Variants in WAC observed in about 807,000 individuals in gnomAD.
The protein encoded by WAC is WW domain-containing adapter protein with coiled-coil.
Under a neutral mutation model 79.6 loss-of-function variants are expected in WAC, and 11 were observed. The ratio of observed to expected loss-of-function variants is 0.14; its 90% CI spans 0.09 to 0.23. WAC has a LOEUF of 0.23. WAC is among the 10% of genes least tolerant of loss of function. WAC has a pLI of 1.00. For synonymous variants in WAC, 304 were observed against 276.9 expected, an observed-to-expected ratio of 1.10 and a Z score of -0.97; for missense variants, 728 against 773.5, an observed-to-expected ratio of 0.94 and a Z score of 0.70.
chr10:28,579,623 T>C (rs1300867358), intron 3 of WAC, among the ~76,000 whole-genome samples: 1 of 152,214 alleles, frequency 6.6e-6, no homozygotes, highest in African/African-American at 2.4e-5. Context: ...TTGTAGCACT[T>C]CTTTTCGGTA....
At chr10:28,592,817 A>G (rs1840165555) in intron 6 of WAC, among the ~76,000 whole-genome samples, 1 of 152,178 alleles carries the variant, frequency 6.6e-6, no homozygotes, top group Admixed American at 6.5e-5. Context: ...CAAATTACAT[A>G]TGTATGTATT....
chr10:28,608,542 T>G (rs767194812), intron 8 of WAC, 111 bp downstream of exon 8: 14 of 1,198,568 alleles, frequency 1.2e-5, no homozygotes, highest in Non-Finnish European at 1.6e-5. Context: ...AATTTATAGT[T>G]GAACACTTTT....
At chr10:28,608,543 GAACAC>G (rs1841071240) in intron 8 of WAC, 112 bp downstream of exon 8, 1 of 1,195,222 alleles carries the variant, frequency 8.4e-7, no homozygotes, top group African/African-American at 1.6e-5. Context: ...ATTTATAGTT[GAACAC>G]TTTTTTTTGT....
intron 7 of WAC, among the ~76,000 whole-genome samples, chr10:28,603,293 A>G (rs1052203869): frequency 4.6e-5 from 7 of 152,210 alleles, no homozygotes; most frequent in Non-Finnish European, 7.4e-5. Context: ...GCCACATTCA[A>G]AGCTGTCCTA....
At chr10:28,561,755 G>T (rs1406941277) in intron 3 of WAC, among the ~76,000 whole-genome samples, 1 of 152,178 alleles carries the variant, frequency 6.6e-6, no homozygotes, top group African/African-American at 2.4e-5. Context: ...TGGAGCCGGA[G>T]TTCCGCCTCC....
intron 10 of WAC, among the ~76,000 whole-genome samples, chr10:28,612,528 A>C (rs2132838857): frequency 6.6e-6 from 1 of 152,270 alleles, no homozygotes; most frequent in East Asian, 1.9e-4. Flanking sequence ...TGCTGGTCTA[A>C]ATGGTAAATG....
chr10:28,611,917 C>A lies in WAC; in HGVS notation c.1432C>A (p.Pro478Thr), dbSNP rs2232793. 1.8e-4 allele frequency: 294 copies of A among 1,612,240 alleles called. 1 individual carries two copies. In the East Asian group the frequency reaches 5.6e-3, roughly 31 times the overall value. ...CAGTACTCCTCCTGTTTCATCACAG[C>A]CAAAGGTATGTCACCTTTGAGGGAC... ...LISTPPVSSQ[P>T]KVSTPVVKQG... Residue 478 changes from proline to threonine, a missense_variant, in exon 10 of 14, where the codon CCA (proline) becomes ACA (threonine). By Grantham distance (38) the Pro-to-Thr change is conservative. Coordinates refer to ENST00000354911, the MANE Select transcript of WAC (RefSeq NM_016628.5).
Position 28,610,651 on chromosome 10 carries a change from C to A in WAC, c.1166-48C>A, listed in dbSNP as rs377522397. ...CCTTGTCAGGTTGTTACTAATGCCA[C>A]ATAAGCCTCTTGTTTTTATATGAAT... On this transcript the variant is annotated intron_variant, in intron 8 of 13. Coordinates refer to ENST00000354911, the MANE Select transcript of WAC (RefSeq NM_016628.5). 44 of 1,553,624 alleles carry A rather than the reference C, an allele frequency of 2.8e-5. No individual in the cohort carries two copies. The African/African-American group carries it at 6.0e-4, about 21-fold the overall frequency.
chr10:28,563,303 C>T (rs1301695278), intron 3 of WAC, among the ~76,000 whole-genome samples: 2 of 152,114 alleles, frequency 1.3e-5, no homozygotes, highest in African/African-American at 2.4e-5. Context: ...TTAATTTTCA[C>T]TTAATGGCCA....
At chr10:28,606,682 TAAAG>T (rs527629575) in intron 7 of WAC, among the ~76,000 whole-genome samples, 72 of 152,332 alleles carry the variant, frequency 4.7e-4, no homozygotes, top group Middle Eastern at 3.4e-3. Context: ...TTGAAAATCT[TAAAG>T]AAATAGGTTG....
At chr10:28,594,521 G>T (rs1483186835) in intron 6 of WAC, among the ~76,000 whole-genome samples, 1 of 152,162 alleles carries the variant, frequency 6.6e-6, no homozygotes, top group Non-Finnish European at 1.5e-5. Context: ...GGAATTTTAT[G>T]TAGTAAGTCA....
intron 3 of WAC, among the ~76,000 whole-genome samples, chr10:28,560,521 A>G (rs933529317): frequency 1.3e-5 from 2 of 152,212 alleles, no homozygotes; most frequent in Non-Finnish European, 2.9e-5. Flanking sequence ...ATTCTGGTTT[A>G]GACACCAAAC....
chr10:28,587,846 G>A (rs1839900146), intron 4 of WAC, among the ~76,000 whole-genome samples: 2 of 151,990 alleles, frequency 1.3e-5, no homozygotes, highest in South Asian at 4.1e-4. Flanking sequence ...GTAGACCGGT[G>A]CTCGGGTTTG....
chr10:28,612,109 T>C (rs190130838), intron 10 of WAC, among the ~76,000 whole-genome samples, 187 bp downstream of exon 10: 99 of 152,328 alleles, frequency 6.5e-4, no homozygotes, highest in African/African-American at 2.3e-3. Flanking sequence ...GGGCTTTGAA[T>C]CTGTGCTACT....
chr10:28,536,918 C>CT (rs1836709788), intron 3 of WAC, among the ~76,000 whole-genome samples: 1 of 152,182 alleles, frequency 6.6e-6, no homozygotes, highest in African/African-American at 2.4e-5. Context: ...TACCATGTGA[C>CT]TTTTTGCCCC....
At position 28,611,761 on chromosome 10, in the gene WAC, C is replaced by T. The variant is rs976413876; in HGVS notation, c.1289-13C>T. 2.5e-6 allele frequency: 4 copies of T among 1,601,020 alleles called. No homozygotes were observed. In the African/African-American group the frequency reaches 5.4e-5, roughly 22 times the overall value. On this transcript the variant is annotated splice_polypyrimidine_tract_variant and intron_variant, in intron 9 of 13. Transcript: ENST00000354911. ...TGTTTTTCTTTAAAATTAATTGCTT[C>T]CCTCTTTTACAGCCCAGCCATCTAA...
At chr10:28,610,958 T>G in intron 9 of WAC, 137 bp downstream of exon 9, 1 of 1,030,432 alleles carries the variant, frequency 9.7e-7, no homozygotes, top group Non-Finnish European at 1.3e-6. Flanking sequence ...TAATTTTGTT[T>G]TTTTTGTAAC....
Position 28,596,004 on chromosome 10 carries a change from C to G in WAC, c.882C>G (p.Pro294=), listed in dbSNP as rs753654864. 6.2e-7 allele frequency: 1 copy of G among 1,614,106 alleles called. No individual in the cohort carries two copies. The highest frequency in any genetic ancestry group is 8.5e-7 in the Non-Finnish European group (1 of 1,180,006). ...CTACTTTATCAAAACTGCCTACACCCACATCTTCTGTCCCTGCACAGAAAA... is the reference window on the plus strand; with the variant it reads ...CTACTTTATCAAAACTGCCTACACCGACATCTTCTGTCCCTGCACAGAAAA... ...GASTLSKLPT[P]TSSVPAQKTE... The change falls in exon 7 of 14, where the codon CCC becomes CCG. Residue 294 remains proline (P), a synonymous_variant. Coordinates refer to ENST00000354911, the MANE Select transcript of WAC (RefSeq NM_016628.5).
intron 2 of WAC, among the ~76,000 whole-genome samples, chr10:28,534,826 A>G (rs578033851): frequency 6.6e-6 from 1 of 152,368 alleles, no homozygotes; most frequent in South Asian, 2.1e-4. Flanking sequence ...GTCTTCTGAT[A>G]TGTAAAACAT....
Sources: allele counts gnomAD v4.1 joint callset (sites outside exome capture counted in the v4.1 genomes callset), GRCh38; gene constraint gnomAD v4.1.1; transcripts MANE v1.5; gene names NCBI Gene and HGNC (gene_info 2026-07-23, HGNC 2026-07-21).